Variants in PHF21A observed in about 807,000 individuals in gnomAD.
PHF21A encodes the protein BHC80a.
PHF21A carries 11 observed loss-of-function variants against 82.5 expected under a neutral mutation model. The ratio of observed to expected loss-of-function variants is 0.13; its 90% CI spans 0.08 to 0.22. The LOEUF (loss-of-function observed/expected upper bound fraction) is 0.22, where lower values mean the gene tolerates loss of function less well. Among genes scored for constraint, PHF21A ranks in the 10% least tolerant of loss-of-function variants. PHF21A has a pLI of 1.00. For synonymous variants in PHF21A, 297 were observed against 302.8 expected (o/e 0.98, Z 0.20); for missense variants, 579 against 837.8 (o/e 0.69, Z 3.81).
chr11:45,982,115 C>T lies in PHF21A; in HGVS notation c.154-2149G>A, dbSNP rs1203989871. On this transcript the variant is annotated intron_variant, in intron 6 of 18. Transcript: ENST00000676320. ...GGGACTACAAGAGCGTGCTACCATG[C>T]CCAGCTAATTTTTTTATTTTTTGTA... Among the ~76,000 whole-genome samples, 41 of 151,726 alleles carry T rather than the reference C, an allele frequency of 2.7e-4. 1 individual carries two copies. The highest frequency in any genetic ancestry group is 2.6e-3 in the Admixed American group (40 of 15,246).
chr11:45,966,387 A>G (rs2093436052), intron 9 of PHF21A, among the ~76,000 whole-genome samples: 1 of 151,976 alleles, frequency 6.6e-6, no homozygotes, highest in Non-Finnish European at 1.5e-5. Flanking sequence ...GATGATTCCT[A>G]CCCCACCCTC....
chr11:46,049,352 T>C (rs2139086675), intron 6 of PHF21A: 2 of 442,708 alleles, frequency 4.5e-6, no homozygotes, highest in East Asian at 7.1e-5. Flanking sequence ...TCTTATGCCC[T>C]CACCATTCCT....
intron 6 of PHF21A, among the ~76,000 whole-genome samples, chr11:45,985,956 A>G (rs2094475783): frequency 6.6e-6 from 1 of 152,152 alleles, no homozygotes; most frequent in African/African-American, 2.4e-5. Context: ...GATTTTTTTC[A>G]GTAAAGTTTA....
At chr11:45,964,199 A>AT (rs1335293360) in intron 10 of PHF21A, among the ~76,000 whole-genome samples, 1,400 of 130,886 alleles carry the variant, frequency 0.011, 20 homozygotes, top group African/African-American at 0.036. Context: ...ACTCCATCTC[A>AT]AAATAATAAT....
intron 18 of PHF21A, chr11:45,934,869 A>G: frequency 2.8e-6 from 1 of 357,320 alleles, no homozygotes; most frequent in Non-Finnish European, 5.5e-6. Flanking sequence ...AAAGAGAGGA[A>G]AGAGGTGTTA....
intron 10 of PHF21A, among the ~76,000 whole-genome samples, chr11:45,963,109 G>A (rs988272901): frequency 3.9e-5 from 6 of 152,070 alleles, no homozygotes; most frequent in Non-Finnish European, 5.9e-5. Context: ...CTTTAAAAAT[G>A]TTTTACACGT....
chr11:46,004,671 T>C lies in PHF21A; in HGVS notation c.154-24705A>G, dbSNP rs573942015. On this transcript the variant is annotated intron_variant, in intron 6 of 18. Coordinates refer to ENST00000676320, the MANE Select transcript of PHF21A (RefSeq NM_001352027.3). ...ATATTGGTTTGCATAGCACAGACTA[T>C]TACTTTTTCATAGCACTTAACTTTT... Among the ~76,000 whole-genome samples the C allele has an allele frequency of 4.6e-5, 7 of 152,316 alleles. No homozygotes were observed. In the East Asian group the frequency reaches 7.7e-4, roughly 17 times the overall value.
At chr11:46,041,797 T>C (rs555508162) in intron 6 of PHF21A, among the ~76,000 whole-genome samples, 1 of 152,204 alleles carries the variant, frequency 6.6e-6, no homozygotes, top group African/African-American at 2.4e-5. Context: ...CTATCACACA[T>C]CTTTCTTCTC....
In PHF21A at chr11:45,934,060, G is replaced by T. The variant is rs1181980791; in HGVS notation, c.1954C>A (p.Pro652Thr). The change falls in exon 19 of 19, where the codon CCC becomes ACC. Residue 652 changes from proline (P) to threonine (T), a missense_variant. By Grantham distance (38) the Pro-to-Thr change is conservative. Around this residue, in one of 3 missense-constraint regions of PHF21A, gnomAD observed 157 missense variants for 149.4 expected, o/e 1.05. Transcript: ENST00000676320. Reference protein sequence around the residue: ...GAISNGPDCTPPANAATSTPA... With the variant: ...GAISNGPDCTTPANAATSTPA... ...GTGGAGGTGGCGGCATTGGCAGGGG[G>T]GGTGCAGTCCGGGCCATTGGAGATG... 1.2e-6 allele frequency: 2 copies of T among 1,613,916 alleles called. No individual in the cohort carries two copies. Among genetic ancestry groups the T allele is most frequent in the Admixed American group, 1.7e-5 (1 of 60,000 alleles).
chr11:46,081,061 G>A (rs1176788847), intron 4 of PHF21A, among the ~76,000 whole-genome samples: 1 of 152,132 alleles, frequency 6.6e-6, no homozygotes, highest in Non-Finnish European at 1.5e-5. Context: ...AAAGACGAGT[G>A]AATAGGTTGT....
intron 6 of PHF21A, among the ~76,000 whole-genome samples, chr11:46,015,425 T>C (rs1475372751): frequency 3.3e-5 from 5 of 152,126 alleles, no homozygotes; most frequent in Admixed American, 2.6e-4. Flanking sequence ...CTAGGCCAAT[T>C]TCCAGAAAAG....
chr11:45,977,294 G>A (rs1019445150), intron 7 of PHF21A, among the ~76,000 whole-genome samples: 1 of 151,954 alleles, frequency 6.6e-6, no homozygotes, highest in African/African-American at 2.4e-5. Flanking sequence ...ATGTTACCAC[G>A]CATGGCTAAT....
chr11:45,958,396 C>CAA (rs1159762183), intron 10 of PHF21A, among the ~76,000 whole-genome samples: 44 of 1,060 alleles, frequency 0.042, 10 homozygotes, highest in Admixed American at 0.053. Context: ...AACCTGGTCT[C>CAA]AAAAAAAAAA....
chr11:45,949,597 T>C lies in PHF21A; in HGVS notation c.1148-116A>G, dbSNP rs972837043. The C allele has an allele frequency of 3.5e-5, 31 of 874,714 alleles. No individual in the cohort carries two copies. The African/African-American group carries it at 4.3e-4, about 12-fold the overall frequency. The allele number at this position is 874,714 out of a possible 1,614,324, so 54.2% of individuals were successfully genotyped here. ...GAAATCAGAATCAGGGACAAGTCTC[T>C]GTTTCACTGAAGCCTCAGCAGAGGC... On this transcript the variant is annotated intron_variant, in intron 12 of 18. Transcript: ENST00000676320.
chr11:46,110,061 T>C (rs1469645257), intron 1 of PHF21A, among the ~76,000 whole-genome samples: 1 of 152,080 alleles, frequency 6.6e-6, no homozygotes, highest in Non-Finnish European at 1.5e-5. Flanking sequence ...TATTTAAAAT[T>C]GTATAATATT....
intron 6 of PHF21A, among the ~76,000 whole-genome samples, chr11:45,984,483 A>G (rs889560159): frequency 6.6e-6 from 1 of 152,244 alleles, no homozygotes; most frequent in African/African-American, 2.4e-5. Context: ...ACGGTGATCA[A>G]TATTGTGACA....
intron 10 of PHF21A, among the ~76,000 whole-genome samples, chr11:45,958,904 C>G (rs1222759815): frequency 6.6e-6 from 1 of 152,072 alleles, no homozygotes; most frequent in Non-Finnish European, 1.5e-5. Flanking sequence ...GGTAACACAG[C>G]AAGACCCTGC....
intron 7 of PHF21A, among the ~76,000 whole-genome samples, chr11:45,976,229 C>T (rs2094015700): frequency 6.6e-6 from 1 of 152,200 alleles, no homozygotes; most frequent in Non-Finnish European, 1.5e-5. Flanking sequence ...TTTGCTCTAT[C>T]ACTAAAATCC....
intron 1 of PHF21A, among the ~76,000 whole-genome samples, chr11:46,111,993 G>A (rs2097219787): frequency 6.6e-6 from 1 of 152,130 alleles, no homozygotes; most frequent in African/African-American, 2.4e-5. Context: ...TAATCAACTA[G>A]TTTGGATATT....
Sources: allele counts gnomAD v4.1 joint callset (sites outside exome capture counted in the v4.1 genomes callset), GRCh38; gene constraint gnomAD v4.1.1; regional missense constraint gnomAD v4.1.1; transcripts MANE v1.5; gene names NCBI Gene and HGNC (gene_info 2026-07-23, HGNC 2026-07-21).